The following SNTG2 variants were observed in gnomAD, a reference collection of about 807,000 sequenced individuals.
The protein encoded by SNTG2 is syntrophin gamma 2, also known as gamma-2-syntrophin.
In SNTG2, 74 loss-of-function variants were observed where a neutral mutation model predicts 70.9. That is an observed-to-expected ratio of 1.04 (90% confidence interval 0.86 to 1.27). The LOEUF (loss-of-function observed/expected upper bound fraction) is 1.27. Ranked by LOEUF, SNTG2 falls within the 50% of genes most tolerant of loss-of-function variation. The pLI, the probability that SNTG2 is intolerant of heterozygous loss-of-function variation, is 0.00. For missense variants in SNTG2, 717 were observed against 690.7 expected (o/e 1.04, Z -0.43); for synonymous variants, 278 against 273.8 (o/e 1.02, Z -0.15).
At chr2:1,203,710 GTGTA>G (rs1170781106) in intron 8 of SNTG2, among the ~76,000 whole-genome samples, 19 of 150,660 alleles carry the variant, frequency 1.3e-4, no homozygotes, top group African/African-American at 4.6e-4. Context: ...GTGTGTGTGT[GTGTA>G]TGTGTGTATA....
At chr2:1,294,637 A>G (rs1384917530) in intron 14 of SNTG2, among the ~76,000 whole-genome samples, 1 of 152,240 alleles carries the variant, frequency 6.6e-6, no homozygotes, top group Non-Finnish European at 1.5e-5. Flanking sequence ...GGGGTTCATC[A>G]TCCATCTTGT....
chr2:1,173,267 T>C (rs1349366474), intron 8 of SNTG2, 84 bp downstream of exon 8: 1 of 1,198,924 alleles, frequency 8.3e-7, no homozygotes, highest in Non-Finnish European at 1.2e-6. Context: ...ATTAAAAAGA[T>C]GCTGTACTGC....
At chr2:1,047,868 A>G (rs1661826142) in intron 1 of SNTG2, among the ~76,000 whole-genome samples, 1 of 152,164 alleles carries the variant, frequency 6.6e-6, no homozygotes. Flanking sequence ...CACACAGAAA[A>G]TGCTGAATGC....
chr2:1,150,909 C>T (rs77039350), intron 6 of SNTG2, among the ~76,000 whole-genome samples: 7,706 of 32,394 alleles, frequency 0.24, 277 homozygotes, highest in South Asian at 0.51. Context: ...AGCAGCCATG[C>T]GGCTGCTGAA....
chr2:1,015,264 C>G (rs1659853443), intron 1 of SNTG2, among the ~76,000 whole-genome samples: 1 of 152,024 alleles, frequency 6.6e-6, no homozygotes, highest in Non-Finnish European at 1.5e-5. Flanking sequence ...CAAATGGATT[C>G]AATGTCTAGT....
chr2:1,175,027 G>C (rs1322750299), intron 8 of SNTG2, among the ~76,000 whole-genome samples: 2 of 152,114 alleles, frequency 1.3e-5, no homozygotes, highest in Non-Finnish European at 2.9e-5. Flanking sequence ...TTAGGATTTT[G>C]TTCAAGAAAT....
intron 14 of SNTG2, among the ~76,000 whole-genome samples, chr2:1,268,040 T>C (rs1478896118): frequency 6.6e-6 from 1 of 152,242 alleles, no homozygotes; most frequent in Non-Finnish European, 1.5e-5. Flanking sequence ...ACAGCTTGTG[T>C]GTCTGAATTG....
At chr2:1,142,594 G>T (rs923241807) in intron 6 of SNTG2, among the ~76,000 whole-genome samples, 4 of 152,130 alleles carry the variant, frequency 2.6e-5, no homozygotes, top group Non-Finnish European at 4.4e-5. Flanking sequence ...TTCCTTCTGG[G>T]ACCACACACC....
In SNTG2 at chr2:1,097,470, C is replaced by T. The variant is rs1276136872; in HGVS notation, c.211-726C>T. Among the ~76,000 whole-genome samples, 3 of 152,136 alleles carry T rather than the reference C, an allele frequency of 2.0e-5. No individual in the cohort carries two copies. The highest frequency in any genetic ancestry group is 7.2e-5 in the African/African-American group (3 of 41,428). On this transcript the variant is annotated intron_variant, in intron 2 of 16. Transcript: ENST00000308624. This position sits in a 1 kb window ranked among gnomAD's most constrained non-coding sequence, Gnocchi z 4.1. ...ACCCTTTGGCCACTGTCCGTCTACC[C>T]CAGGCTGCCTCTGTGCGCCCCCTCA...
At chr2:1,076,509 A>C (rs1248358424) in intron 1 of SNTG2, among the ~76,000 whole-genome samples, 1 of 152,190 alleles carries the variant, frequency 6.6e-6, no homozygotes, top group Admixed American at 6.5e-5. Flanking sequence ...AATCTATAGA[A>C]TAGCAATAAT....
intron 12 of SNTG2, among the ~76,000 whole-genome samples, chr2:1,251,453 TACACACACC>T (rs1257074862): frequency 2.0e-4 from 23 of 114,360 alleles, no homozygotes; most frequent in Middle Eastern, 6.9e-3. Flanking sequence ...CACCACACAC[TACACACACC>T]ACACACACAC....
At chr2:1,123,892 G>A (rs189781577) in intron 4 of SNTG2, among the ~76,000 whole-genome samples, 4 of 152,130 alleles carry the variant, frequency 2.6e-5, no homozygotes, top group Non-Finnish European at 5.9e-5. Flanking sequence ...AAAGACAAGC[G>A]CCACATGCTC....
chr2:1,315,081 T>C (rs1681208460), intron 15 of SNTG2, among the ~76,000 whole-genome samples: 1 of 152,242 alleles, frequency 6.6e-6, no homozygotes, highest in Non-Finnish European at 1.5e-5. Flanking sequence ...GCAATTCTAA[T>C]GCTAAAAGGA....
intron 9 of SNTG2, among the ~76,000 whole-genome samples, chr2:1,224,385 G>A (rs1374006148): frequency 2.0e-5 from 3 of 152,138 alleles, no homozygotes; most frequent in African/African-American, 7.2e-5. Flanking sequence ...GCCTCTGCCT[G>A]GAGCACAGTC....
chr2:1,232,262 C>T (rs975080349), intron 9 of SNTG2, among the ~76,000 whole-genome samples: 17 of 152,016 alleles, frequency 1.1e-4, no homozygotes, highest in African/African-American at 4.1e-4. Context: ...TTCTTTGTCT[C>T]GAGTGAACAC....
intron 1 of SNTG2, among the ~76,000 whole-genome samples, chr2:965,474 A>C (rs1660522886): frequency 6.9e-6 from 1 of 144,676 alleles, no homozygotes. Context: ...CTCCTCCTTG[A>C]CTTGGTCCTC....
At chr2:1,058,151 T>C (rs938355627) in intron 1 of SNTG2, among the ~76,000 whole-genome samples, 14 of 152,148 alleles carry the variant, frequency 9.2e-5, no homozygotes, top group Admixed American at 7.9e-4. Flanking sequence ...GACTAAGAGA[T>C]ATGATTGTGT....
At chr2:1,055,460 C>T (rs1471124854) in intron 1 of SNTG2, among the ~76,000 whole-genome samples, 1 of 152,078 alleles carries the variant, frequency 6.6e-6, no homozygotes, top group Non-Finnish European at 1.5e-5. Context: ...AGAAAGAATG[C>T]ATTTCCACCC....
chr2:1,015,145 C>T (rs770377538), intron 1 of SNTG2, among the ~76,000 whole-genome samples: 5 of 152,072 alleles, frequency 3.3e-5, no homozygotes, highest in South Asian at 2.1e-4. Flanking sequence ...GAGACTGGAG[C>T]GGGAGCAGGT....
Sources: allele counts gnomAD v4.1 joint callset (sites outside exome capture counted in the v4.1 genomes callset), GRCh38; gene constraint gnomAD v4.1.1; non-coding constraint Gnocchi (gnomAD v3.1); transcripts MANE v1.5; gene names NCBI Gene and HGNC (gene_info 2026-07-23, HGNC 2026-07-21).